Variants in CCSER1 observed in about 807,000 individuals in gnomAD.
CCSER1 encodes the protein serine-rich coiled-coil domain-containing protein 1.
Under a neutral mutation model 82.0 loss-of-function variants are expected in CCSER1, and 41 were observed. The observed-to-expected ratio is 0.50, with a 90% CI of 0.39 to 0.65. The LOEUF is 0.65. Among genes scored for constraint, CCSER1 ranks in the 30% least tolerant of loss-of-function variants. The pLI, the probability that CCSER1 is intolerant of heterozygous loss-of-function variation, is 0.00. For missense variants in CCSER1, 1,119 were observed against 1,064.2 expected (o/e 1.05, Z -0.72); for synonymous variants, 414 against 383.9 (o/e 1.08, Z -0.92).
chr4:90,815,976 T>C, intron 8 of CCSER1, 131 bp downstream of exon 8: 1 of 534,890 alleles, frequency 1.9e-6, no homozygotes. Flanking sequence ...CAATGATCAG[T>C]TTTTATAATT....
intron 5 of CCSER1, among the ~76,000 whole-genome samples, chr4:90,486,433 T>C (rs1294471554): frequency 1.3e-5 from 2 of 152,220 alleles, no homozygotes; most frequent in Non-Finnish European, 2.9e-5. Flanking sequence ...TCATAGTCAC[T>C]TCAAAGTTGC....
intron 7 of CCSER1, chr4:90,781,416 T>C: frequency 4.1e-6 from 4 of 985,422 alleles, no homozygotes; most frequent in Non-Finnish European, 4.8e-6. Flanking sequence ...ATCTCTGTAA[T>C]ACTAACCTAA....
At chr4:91,227,988 A>G (rs1738340877) in intron 10 of CCSER1, among the ~76,000 whole-genome samples, 1 of 152,068 alleles carries the variant, frequency 6.6e-6, no homozygotes, top group African/African-American at 2.4e-5. Flanking sequence ...ATATTGAGCC[A>G]GTCAGAATTC....
chr4:91,134,105 A>T (rs528078956), intron 10 of CCSER1, among the ~76,000 whole-genome samples: 43 of 152,224 alleles, frequency 2.8e-4, no homozygotes, highest in Non-Finnish European at 5.4e-4. Flanking sequence ...TCTCAAAAAA[A>T]GAGTAGTGCT....
chr4:90,940,890 G>A (rs945097297), intron 9 of CCSER1, among the ~76,000 whole-genome samples: 6 of 152,110 alleles, frequency 3.9e-5, no homozygotes, highest in African/African-American at 1.4e-4. Context: ...CCAAAAGTCA[G>A]GGTTTTGTTT....
chr4:90,443,303 T>C (rs1012674861), intron 4 of CCSER1, among the ~76,000 whole-genome samples: 1 of 152,094 alleles, frequency 6.6e-6, no homozygotes, highest in Non-Finnish European at 1.5e-5. Context: ...TTCTTCTGCA[T>C]TGGGGCCATT....
At chr4:90,552,202 A>G (rs1777602317) in intron 5 of CCSER1, among the ~76,000 whole-genome samples, 1 of 152,158 alleles carries the variant, frequency 6.6e-6, no homozygotes, top group African/African-American at 2.4e-5. Context: ...TAGGGGACAC[A>G]TTGAAATCAT....
intron 7 of CCSER1, among the ~76,000 whole-genome samples, chr4:90,811,199 C>T (rs1452196355): frequency 2.0e-5 from 3 of 151,910 alleles, no homozygotes; most frequent in African/African-American, 4.8e-5. Context: ...AAGGATACAA[C>T]GGGTAGAAGG....
At chr4:90,436,781 G>A (rs912728540) in intron 4 of CCSER1, among the ~76,000 whole-genome samples, 3 of 151,078 alleles carry the variant, frequency 2.0e-5, no homozygotes, top group Non-Finnish European at 4.4e-5. Flanking sequence ...TATTATATTA[G>A]CATTTGTAAT....
intron 10 of CCSER1, among the ~76,000 whole-genome samples, chr4:91,242,381 A>G (rs1581829445): frequency 6.6e-6 from 1 of 152,190 alleles, no homozygotes; most frequent in Non-Finnish European, 1.5e-5. Context: ...AGAAAAGCAA[A>G]CACTAAAATG....
intron 9 of CCSER1, among the ~76,000 whole-genome samples, chr4:90,932,558 G>A (rs558503007): frequency 1.8e-4 from 27 of 152,010 alleles, no homozygotes; most frequent in Admixed American, 1.1e-3. Context: ...GCCCAGCGCG[G>A]TGCCTCACAC....
At chr4:90,908,873 C>T (rs1483451412) in intron 8 of CCSER1, among the ~76,000 whole-genome samples, 3 of 152,142 alleles carry the variant, frequency 2.0e-5, no homozygotes, top group African/African-American at 7.2e-5. Context: ...TGGATGAAGA[C>T]AGGAAAATGA....
intron 10 of CCSER1, among the ~76,000 whole-genome samples, chr4:91,589,263 A>G (rs1430393130): frequency 6.6e-6 from 1 of 151,904 alleles, no homozygotes; most frequent in Non-Finnish European, 1.5e-5. Context: ...TGTAAGATAG[A>G]ATCATTTAAG....
intron 1 of CCSER1, among the ~76,000 whole-genome samples, chr4:90,306,904 A>G (rs918509086): frequency 2.6e-5 from 4 of 152,212 alleles, no homozygotes; most frequent in Non-Finnish European, 5.9e-5. Flanking sequence ...AGTCACTAGA[A>G]TAGCAATATT....
chr4:91,030,412 A>T (rs13125723), intron 9 of CCSER1, among the ~76,000 whole-genome samples: 51,523 of 151,936 alleles, frequency 0.34, 10,560 homozygotes, highest in East Asian at 0.58. Context: ...TTGCATTTTG[A>T]GTCTTATTCT....
At chr4:91,333,766 G>A (rs1464410364) in intron 10 of CCSER1, among the ~76,000 whole-genome samples, 3 of 151,918 alleles carry the variant, frequency 2.0e-5, no homozygotes, top group East Asian at 1.9e-4. Context: ...TTAAAAAACT[G>A]ATTAAAGTTA....
At chr4:91,543,445 G>T (rs1390860891) in intron 10 of CCSER1, among the ~76,000 whole-genome samples, 1 of 152,118 alleles carries the variant, frequency 6.6e-6, no homozygotes, top group Non-Finnish European at 1.5e-5. Context: ...GGTACCGGTT[G>T]TTCCTTTCCA....
At position 91,548,564 on chromosome 4, in the gene CCSER1, T is replaced by A. The variant is rs1263565802; in HGVS notation, c.2218-50008T>A. On this transcript the variant is annotated intron_variant, in intron 10 of 10. Transcript: ENST00000509176. ...GTCTAATGGCAACAAATTCCTTCAA[T>A]TTTTTTTTTTTTGAAAGTCTTTATT... Among the ~76,000 whole-genome samples, 93 of 27,010 alleles carry A rather than the reference T, an allele frequency of 3.4e-3. No individual in the cohort carries two copies. The East Asian group carries it at 0.1, about 30-fold the overall frequency. The allele number at this position is 27,010 out of a possible 152,430, so 17.7% of individuals were successfully genotyped here. A position where few individuals can be genotyped will look rare whatever the true frequency, so the allele number is the denominator to read the frequency against.
intron 9 of CCSER1, among the ~76,000 whole-genome samples, chr4:91,016,902 T>C (rs1739477302): frequency 6.6e-6 from 1 of 151,984 alleles, no homozygotes. Flanking sequence ...TGTATTAAAG[T>C]GGGAATAAGG....
Sources: allele counts gnomAD v4.1 joint callset (sites outside exome capture counted in the v4.1 genomes callset), GRCh38; gene constraint gnomAD v4.1.1; transcripts MANE v1.5; gene names NCBI Gene and HGNC (gene_info 2026-07-23, HGNC 2026-07-21).